TPST1: variants seen among roughly 807,000 people sequenced by gnomAD.
TPST1 encodes tyrosylprotein sulfotransferase 1.
In TPST1, 20 loss-of-function variants were observed where a neutral mutation model predicts 34.8. That is an observed-to-expected ratio of 0.57 (90% CI 0.40 to 0.84). The LOEUF (loss-of-function observed/expected upper bound fraction) is 0.84, where lower values mean the gene tolerates loss of function less well. TPST1 is among the 40% of genes least tolerant of loss of function. The pLI is 0.00. For synonymous variants in TPST1, 152 were observed against 159.4 expected (o/e 0.95, Z 0.35); for missense variants, 353 against 455.5 (o/e 0.78, Z 2.05).
At chr7:66,261,044 A>G (rs1014678782) in intron 2 of TPST1, among the ~76,000 whole-genome samples, 1 of 152,078 alleles carries the variant, frequency 6.6e-6, no homozygotes, top group Admixed American at 6.6e-5. Context: ...TTTCAGCTCC[A>G]TTTCTCAACT....
chr7:66,231,973 C>T (rs1789806905), intron 1 of TPST1, among the ~76,000 whole-genome samples: 1 of 152,196 alleles, frequency 6.6e-6, no homozygotes, highest in Non-Finnish European at 1.5e-5. Flanking sequence ...TGTATTTGTT[C>T]TTTTTTATGG....
At chr7:66,249,168 T>G (rs1224180597) in intron 2 of TPST1, among the ~76,000 whole-genome samples, 2 of 152,142 alleles carry the variant, frequency 1.3e-5, no homozygotes, top group African/African-American at 4.8e-5. Context: ...CAGTCCATAA[T>G]GAGGTATAAA....
At chr7:66,232,201 A>T (rs6952945) in intron 1 of TPST1, among the ~76,000 whole-genome samples, 72,957 of 114,532 alleles carry the variant, frequency 0.64, 23,566 homozygotes, top group African/African-American at 0.73. Flanking sequence ...ATTAAAAAAA[A>T]TTTTTTTTTT....
In TPST1 at chr7:66,278,278, A is replaced by G. The variant is rs1790860606; in HGVS notation, c.846-8233A>G. On this transcript the variant is annotated intron_variant, in intron 2 of 5. Coordinates refer to ENST00000304842, the MANE Select transcript of TPST1 (RefSeq NM_003596.4). ...GTGAAGTATGAGAGAATGTAGTTGA[A>G]AAATAACTCTGGTTTTGTCCTGAGC... 2.6e-5 allele frequency among the ~76,000 whole-genome samples: 4 copies of G among 152,046 alleles called. 1 individual carries two copies. Among genetic ancestry groups the G allele is most frequent in the African/African-American group, 9.7e-5 (4 of 41,394 alleles).
At chr7:66,229,680 A>C (rs768273449) in intron 1 of TPST1, among the ~76,000 whole-genome samples, 1 of 152,168 alleles carries the variant, frequency 6.6e-6, no homozygotes, top group Non-Finnish European at 1.5e-5. Context: ...GTATATATTT[A>C]CATTTATTGG....
chr7:66,280,090 C>A (rs529107245), intron 2 of TPST1, among the ~76,000 whole-genome samples: 3 of 152,206 alleles, frequency 2.0e-5, no homozygotes, highest in African/African-American at 7.2e-5. Context: ...TGGCATTTCT[C>A]GGCCCTTGTG....
At chr7:66,296,241 C>CA (rs1791189827) in intron 3 of TPST1, among the ~76,000 whole-genome samples, 1 of 101,880 alleles carries the variant, frequency 9.8e-6, no homozygotes, top group African/African-American at 4.2e-5. Flanking sequence ...AAAAAACACC[C>CA]ACCCTTCCCC....
chr7:66,224,901 C>CTTTTTTTTTTTT lies in TPST1; in HGVS notation c.-101-15404_-101-15393dup, dbSNP rs780952403. On this transcript the variant is annotated intron_variant, in intron 1 of 5. Transcript: ENST00000304842. ...AACTGAGCCTGAACATTCTGGTATT[C>CTTTTTTTTTTTT]TTTTTTTTTTTTTTTTTTTTTTTTT... Among the ~76,000 whole-genome samples, 83 of 42,410 alleles carry CTTTTTTTTTTTT rather than the reference C, an allele frequency of 2.0e-3. 12 individuals are homozygous for CTTTTTTTTTTTT. The highest frequency in any genetic ancestry group is 5.7e-3 in the East Asian group (7 of 1,230). 27.8% of individuals were successfully genotyped at this position (42,410 alleles called of 152,430 possible).
intron 3 of TPST1, among the ~76,000 whole-genome samples, chr7:66,341,598 T>A (rs1364000238): frequency 6.6e-6 from 1 of 152,188 alleles, no homozygotes; most frequent in Non-Finnish European, 1.5e-5. Flanking sequence ...AAAATTATAC[T>A]TGGAGAATCC....
chr7:66,334,423 G>T (rs1041082036), intron 3 of TPST1, among the ~76,000 whole-genome samples: 5 of 151,948 alleles, frequency 3.3e-5, no homozygotes, highest in Admixed American at 6.6e-5. Context: ...ATCACTTGAG[G>T]TCAGGAGTTC....
At chr7:66,261,168 A>C (rs76151741) in intron 2 of TPST1, among the ~76,000 whole-genome samples, 1,792 of 152,020 alleles carry the variant, frequency 0.012, 33 homozygotes, top group African/African-American at 0.041. Flanking sequence ...ATTTCTCGGG[A>C]AACAGTCTTC....
intron 3 of TPST1, among the ~76,000 whole-genome samples, chr7:66,300,422 C>A (rs563419014): frequency 6.6e-6 from 1 of 152,316 alleles, no homozygotes. Context: ...ACCACATCTG[C>A]AGTTCCTTCC....
chr7:66,242,697 C>T (rs187761613), intron 2 of TPST1, among the ~76,000 whole-genome samples: 1 of 152,174 alleles, frequency 6.6e-6, no homozygotes. Context: ...ATGCCACCTA[C>T]ATCTGCTAAT....
At chr7:66,359,563 CCT>C (rs1196956381) in intron 5 of TPST1, 1 of 269,070 alleles carries the variant, frequency 3.7e-6, no homozygotes, top group Admixed American at 4.6e-5. Flanking sequence ...ATCTGGTGCC[CCT>C]GACAGTGCCC....
chr7:66,261,463 C>T (rs77729664), intron 2 of TPST1, among the ~76,000 whole-genome samples: 2,371 of 152,100 alleles, frequency 0.016, 59 homozygotes, highest in East Asian at 0.092. Context: ...TGTTCAGTAA[C>T]AATCATTTGA....
In TPST1 at chr7:66,347,472, T is replaced by C. The variant is rs117106942; in HGVS notation, c.1045-5033T>C. On this transcript the variant is annotated intron_variant, in intron 3 of 5. Coordinates refer to ENST00000304842, the MANE Select transcript of TPST1 (RefSeq NM_003596.4). Reference sequence around the variant, plus strand: ...TGTATGTTCTTGGCACATTTGTTGGTAATGAGTTCTCTGTAGATGTGTGGA... The same window carrying C: ...TGTATGTTCTTGGCACATTTGTTGGCAATGAGTTCTCTGTAGATGTGTGGA... 2.0e-5 allele frequency among the ~76,000 whole-genome samples: 3 copies of C among 152,340 alleles called. No individual in the cohort carries two copies. In the East Asian group the frequency reaches 5.8e-4, roughly 29 times the overall value.
intron 2 of TPST1, among the ~76,000 whole-genome samples, chr7:66,252,883 T>C (rs780801350): frequency 5.9e-5 from 9 of 152,228 alleles, no homozygotes; most frequent in Non-Finnish European, 1.3e-4. Context: ...TTAATCAATA[T>C]GGAATTTATT....
intron 3 of TPST1, among the ~76,000 whole-genome samples, chr7:66,312,287 A>G (rs754226601): frequency 2.6e-5 from 4 of 152,206 alleles, no homozygotes; most frequent in African/African-American, 7.2e-5. Context: ...GTTTAGTTGG[A>G]TAGCTATTTA....
chr7:66,216,711 G>C (rs1166145247), intron 1 of TPST1, among the ~76,000 whole-genome samples: 1 of 152,136 alleles, frequency 6.6e-6, no homozygotes, highest in Non-Finnish European at 1.5e-5. Context: ...CTCGTGATCT[G>C]CGTGCCTCAG....
Sources: gnomAD v4.1 joint callset for allele counts (sites outside exome capture counted in the v4.1 genomes callset) on GRCh38, gnomAD v4.1.1 for gene constraint, MANE v1.5 for transcripts, NCBI Gene and HGNC (gene_info 2026-07-23, HGNC 2026-07-21) for gene names.